The following INSC variants were observed in gnomAD, a reference collection of about 807,000 sequenced individuals.
The protein encoded by INSC is protein inscuteable homolog.
In INSC, 67 loss-of-function variants were observed where a neutral mutation model predicts 58.6. That is an observed-to-expected ratio of 1.14 (90% CI 0.94 to 1.40). The LOEUF (loss-of-function observed/expected upper bound fraction) is 1.40, where lower values mean the gene tolerates loss of function less well. INSC is among the 40% of genes most tolerant of loss of function. The pLI, the probability that INSC is intolerant of heterozygous loss-of-function variation, is 0.00. For missense variants in INSC, 714 were observed against 692.0 expected (o/e 1.03, Z -0.36); for synonymous variants, 262 against 276.1 (o/e 0.95, Z 0.51).
chr11:15,258,378 A>G, the INSC span, among the ~76,000 whole-genome samples: 1 of 152,182 alleles, frequency 6.6e-6, no homozygotes, highest in Non-Finnish European at 1.5e-5. Flanking sequence ...GCATAGAGAG[A>G]GATTTATTTT....
At chr11:15,170,162 CAT>C (rs1015376401) in intron 2 of INSC, among the ~76,000 whole-genome samples, 9 of 151,966 alleles carry the variant, frequency 5.9e-5, no homozygotes, top group African/African-American at 2.2e-4. Context: ...TTTTTATTAT[CAT>C]ATTGTTATTT....
At chr11:15,267,648 C>G in the INSC span, among the ~76,000 whole-genome samples, 58 of 152,026 alleles carry the variant, frequency 3.8e-4, no homozygotes, top group African/African-American at 1.4e-3. Flanking sequence ...TCTTAACATA[C>G]TCTACCTTCT....
chr11:15,266,648 T>C, the INSC span, among the ~76,000 whole-genome samples: 1 of 151,992 alleles, frequency 6.6e-6, no homozygotes, highest in East Asian at 1.9e-4. Context: ...AAGATTGTAG[T>C]TGTACCCAAG....
chr11:15,144,846 C>G lies in INSC; in HGVS notation c.-45-4284C>G, dbSNP rs566220835. Among the ~76,000 whole-genome samples, 39 of 152,344 alleles carry G rather than the reference C, an allele frequency of 2.6e-4. 1 individual carries two copies. In the South Asian group the frequency reaches 7.7e-3, roughly 30 times the overall value. ...TGGGCGCAGAGATGAGCTGTCCAAA[C>G]GGAGCTGTTGTCACAGCAAACATTG... On this transcript the variant is annotated intron_variant, in intron 1 of 12. Coordinates refer to ENST00000379556, the MANE Select transcript of INSC (RefSeq NM_001042536.3).
intron 6 of INSC, among the ~76,000 whole-genome samples, chr11:15,191,955 C>A (rs1850193933): frequency 6.6e-6 from 1 of 152,174 alleles, no homozygotes; most frequent in East Asian, 1.9e-4. Context: ...TCAGTCTCTG[C>A]CTAAGCTTTC....
At chr11:15,265,666 A>T in the INSC span, among the ~76,000 whole-genome samples, 10 of 151,830 alleles carry the variant, frequency 6.6e-5, no homozygotes, top group African/African-American at 2.4e-4. Flanking sequence ...GTTTATATTG[A>T]TCAAGCTTGC....
chr11:15,178,590 TC>T, intron 5 of INSC, 143 bp downstream of exon 5: 1 of 1,054,108 alleles, frequency 9.5e-7, no homozygotes, highest in Non-Finnish European at 1.3e-6. Flanking sequence ...CAAAGTCAAC[TC>T]CAGCATTTGT....
chr11:15,200,153 T>TCACACACACACA (rs57120673), intron 6 of INSC, among the ~76,000 whole-genome samples: 8 of 146,830 alleles, frequency 5.4e-5, no homozygotes, highest in East Asian at 4.1e-4. Context: ...AAGGGTTATA[T>TCACACACACACA]CACACACACA....
At chr11:15,138,823 G>A (rs974661195) in intron 1 of INSC, among the ~76,000 whole-genome samples, 4 of 152,106 alleles carry the variant, frequency 2.6e-5, no homozygotes, top group African/African-American at 7.2e-5. Flanking sequence ...CCCATTTTAC[G>A]GATGTAGAAG....
intron 5 of INSC, among the ~76,000 whole-genome samples, chr11:15,179,520 C>T (rs1162902094): frequency 2.0e-5 from 3 of 152,182 alleles, no homozygotes; most frequent in East Asian, 1.9e-4. Context: ...TGGTGCAGGC[C>T]CTTCTGGCTT....
intron 1 of INSC, among the ~76,000 whole-genome samples, chr11:15,130,714 T>C (rs1412684513): frequency 1.3e-5 from 2 of 152,172 alleles, no homozygotes. Context: ...TACGGGAAGA[T>C]TTTCAACTAT....
intron 7 of INSC, among the ~76,000 whole-genome samples, chr11:15,219,290 G>A (rs532211738): frequency 3.4e-4 from 51 of 152,154 alleles, no homozygotes; most frequent in Non-Finnish European, 6.3e-4. Flanking sequence ...TGATAGCAAA[G>A]GTACTTGGGC....
rs372763725 is a variant in INSC at position 15,140,817 on chromosome 11, T to G, written c.-45-8313T>G. On this transcript the variant is annotated intron_variant, in intron 1 of 12. Coordinates refer to ENST00000379556, the MANE Select transcript of INSC (RefSeq NM_001042536.3). ...CCAGGCTGGCCTCAAACTCCTGGCT[T>G]CAGGTGACCCTCTTGCCTCGGTCTC... 2.2e-3 allele frequency among the ~76,000 whole-genome samples: 340 copies of G among 152,182 alleles called. 7 individuals carry two copies. The South Asian group carries it at 0.039, about 17-fold the overall frequency.
chr11:15,175,871 A>C lies in INSC; in HGVS notation c.187A>C (p.Ile63Leu), dbSNP rs11023460. 3.1e-6 allele frequency: 5 copies of C among 1,614,068 alleles called. No individual in the cohort carries two copies. The highest frequency in any genetic ancestry group is 3.4e-6 in the Non-Finnish European group (4 of 1,179,902). The change falls in exon 3 of 13, where the codon ATC becomes CTC. Residue 63 changes from isoleucine (I) to leucine (L), a missense_variant. Transcript: ENST00000379556. ...GGAAGAGGATGCACAGGGTGACCTC[A>C]TCCTGGCAGGTGGCCCTGGCCCTGG... ...SLEEDAQGDL[I>L]LAGGPGPGDP... is the part of the protein sequence containing the mutation.
At chr11:15,170,252 G>A (rs1849350375) in intron 2 of INSC, among the ~76,000 whole-genome samples, 1 of 151,944 alleles carries the variant, frequency 6.6e-6, no homozygotes, top group South Asian at 2.1e-4. Context: ...AAAGCTGACT[G>A]TATTCAGATT....
intron 1 of INSC, among the ~76,000 whole-genome samples, chr11:15,141,004 C>T (rs769323131): frequency 2.6e-5 from 4 of 152,160 alleles, no homozygotes; most frequent in Admixed American, 6.5e-5. Context: ...ATTTTGAGGA[C>T]TAAATGTAAA....
chr11:15,253,602 TG>T, the INSC span, among the ~76,000 whole-genome samples: 6 of 149,550 alleles, frequency 4.0e-5, no homozygotes, highest in African/African-American at 1.5e-4. Flanking sequence ...GGACACTGAA[TG>T]GAAAACTCAA....
intron 7 of INSC, among the ~76,000 whole-genome samples, chr11:15,221,236 C>T (rs1486191412): frequency 6.6e-6 from 1 of 151,764 alleles, no homozygotes. Flanking sequence ...TCTAGGAGGC[C>T]CATGAAAGGT....
intron 1 of INSC, among the ~76,000 whole-genome samples, chr11:15,125,963 G>A (rs193284310): frequency 2.0e-5 from 3 of 152,240 alleles, no homozygotes; most frequent in African/African-American, 4.8e-5. Context: ...GAAGAATAAC[G>A]GGAAAGTTGC....
Sources: allele counts gnomAD v4.1 joint callset (sites outside exome capture counted in the v4.1 genomes callset), GRCh38; gene constraint gnomAD v4.1.1; transcripts MANE v1.5; gene names NCBI Gene and HGNC (gene_info 2026-07-23, HGNC 2026-07-21).